The following TCERG1 variants were observed in gnomAD, a reference collection of about 807,000 sequenced individuals.
The protein encoded by TCERG1 is transcription elongation regulator 1, also known as TATA box binding protein (TBP)-associated factor, RNA polymerase II, S, 150kD.
A neutral mutation model predicts 144.7 loss-of-function variants in TCERG1; 37 were observed. The observed-to-expected ratio is 0.26, with a 90% CI of 0.20 to 0.34. The LOEUF (loss-of-function observed/expected upper bound fraction) is 0.34, where lower values mean the gene tolerates loss of function less well. Among genes scored for constraint, TCERG1 ranks in the 10% least tolerant of loss-of-function variants. TCERG1 has a pLI of 1.00. For synonymous variants in TCERG1, 492 were observed against 458.2 expected (o/e 1.07, Z -0.94); for missense variants, 1,027 against 1,380.7 (o/e 0.74, Z 4.06).
Position 146,503,963 on chromosome 5 carries a change from G to A in TCERG1, c.2738G>A (p.Arg913Gln). ...EIDREREQHKREEAIQNFKAL... is the reference protein window; with the variant it reads ...EIDREREQHKQEEAIQNFKAL... ...GATCGAGAGAGAGAGCAGCACAAACGAGAAGAAGCTATCCAGAATTTCAAA... is the reference window on the plus strand; with the variant it reads ...GATCGAGAGAGAGAGCAGCACAAACAAGAAGAAGCTATCCAGAATTTCAAA... The change falls in exon 19 of 23, where the codon CGA (arginine) becomes CAA (glutamine). Residue 913 changes from arginine (R) to glutamine (Q), a missense_variant. Transcript: ENST00000679501. The A allele has an allele frequency of 1.3e-6, 2 of 1,598,098 alleles. No individual in the cohort carries two copies. The highest frequency in any genetic ancestry group is 1.7e-6 in the Non-Finnish European group (2 of 1,174,436).
chr5:146,479,874 G>T lies in TCERG1; in HGVS notation c.1782G>T (p.Met594Ile). 1 of 1,613,522 alleles carries T rather than the reference G, an allele frequency of 6.2e-7. No homozygotes were observed. Among genetic ancestry groups the T allele is most frequent in the Non-Finnish European group, 8.5e-7 (1 of 1,179,640 alleles). ...LKKLRHPTPT[M>I]LSIQKWQFSM... is the part of the protein sequence containing the mutation. ...TGCCAGGGCACCCAACTCCGACAAT[G>T]CTGTCGATCCAAAAGTGGCAATTCT... The change falls in exon 11 of 23, where the codon ATG (methionine) becomes ATT (isoleucine). Residue 594 changes from methionine to isoleucine, a missense_variant. Transcript: ENST00000679501.
intron 9 of TCERG1, among the ~76,000 whole-genome samples, chr5:146,474,872 CTT>C (rs1442074306): frequency 7.2e-5 from 11 of 152,262 alleles, no homozygotes; most frequent in Admixed American, 5.9e-4. Context: ...GTAAATATAA[CTT>C]TTGTATATGG....
chr5:146,507,399 T>C lies in TCERG1; in HGVS notation c.2961+192T>C. On this transcript the variant is annotated intron_variant, in intron 20 of 22. Transcript: ENST00000679501. The surrounding 1 kb of genome is among the most constrained non-coding windows in gnomAD (Gnocchi z 4.6). ...TAGAAATGCCTATTCTTTGCAGTTT[T>C]CACATTCATAACTGCTCCCATAGTA... The C allele has an allele frequency of 9.4e-6, 5 of 534,656 alleles. 1 individual carries two copies. In the South Asian group the frequency reaches 1.8e-4, roughly 20 times the overall value. 33.1% of individuals were successfully genotyped at this position (534,656 alleles called of 1,614,324 possible). A position where few individuals can be genotyped will look rare whatever the true frequency, so the allele number is the denominator to read the frequency against.
rs748932384 is a variant in TCERG1 at position 146,463,549 on chromosome 5, A to G, written c.893-2A>G. ...ACATGTTTTTGTTTTATCTTTTATC[A>G]GCACCCACAACACAAGATCAGACCC... On this transcript the variant is annotated splice_acceptor_variant, in intron 4 of 22. Coordinates refer to ENST00000679501, the MANE Select transcript of TCERG1 (RefSeq NM_001382548.1). LOFTEE classifies it high-confidence loss of function. 3 of 1,614,092 alleles carry G rather than the reference A, an allele frequency of 1.9e-6. No homozygotes were observed. The highest frequency in any genetic ancestry group is 2.5e-6 in the Non-Finnish European group (3 of 1,179,970).
intron 9 of TCERG1, 53 bp downstream of exon 9, chr5:146,471,629 C>CAAAAAA: frequency 6.7e-7 from 1 of 1,483,568 alleles, no homozygotes; most frequent in Non-Finnish European, 9.3e-7. Flanking sequence ...GACGGAGTCT[C>CAAAAAA]ACTCTGTCAC....
rs1765186543 is a variant in TCERG1, at chr5:146,479,895, A to G, written c.1803A>G (p.Gln601=). The part of the protein sequence containing the change: ...TPTMLSIQKW[Q]FSMSAIKEEQ... ...CAATGCTGTCGATCCAAAAGTGGCA[A>G]TTCTCTATGAGTGCAAGTGAGTGAA... Residue 601 remains glutamine (Q), a synonymous_variant, in exon 11 of 23, where the codon CAA becomes CAG. Coordinates refer to ENST00000679501, the MANE Select transcript of TCERG1 (RefSeq NM_001382548.1). 22 of 1,613,564 alleles carry G rather than the reference A, an allele frequency of 1.4e-5. No homozygotes were observed. Among genetic ancestry groups the G allele is most frequent in the South Asian group, 3.3e-5 (3 of 91,048 alleles).
At chr5:146,503,334 A>G in intron 17 of TCERG1, 41 bp from the exon 18 acceptor site, 1 of 1,583,872 alleles carries the variant, frequency 6.3e-7, no homozygotes, top group Non-Finnish European at 8.6e-7. Context: ...CTCATGGTAC[A>G]TTATTTTCCC....
rs909813291 is a variant in TCERG1 at position 146,510,713 on chromosome 5, T to C, written c.*71T>C. On this transcript the variant is annotated 3_prime_UTR_variant, in exon 23 of 23. Transcript: ENST00000679501. ...GAGCCAATTTTCAGGTTTTTACATATATGTGCATTAGTCAACCTATTGCGA... is the reference window on the plus strand; with the variant it reads ...GAGCCAATTTTCAGGTTTTTACATACATGTGCATTAGTCAACCTATTGCGA... The C allele has an allele frequency of 7.4e-6, 11 of 1,478,180 alleles. No individual in the cohort carries two copies. The highest frequency in any genetic ancestry group is 2.3e-5 in the East Asian group (1 of 43,040). 91.6% of individuals were successfully genotyped at this position (1,478,180 alleles called of 1,614,324 possible). A position where few individuals can be genotyped will look rare whatever the true frequency, so the allele number is the denominator to read the frequency against.
intron 1 of TCERG1, among the ~76,000 whole-genome samples, chr5:146,448,253 G>A (rs765673253): frequency 2.1e-4 from 32 of 152,108 alleles, no homozygotes; most frequent in Non-Finnish European, 2.9e-4. Flanking sequence ...AGGCAGTCAG[G>A]TTTCAGAGCC....
In TCERG1 at chr5:146,463,701, T is replaced by C; in HGVS notation, c.1043T>C (p.Val348Ala). Residue 348 changes from valine (V) to alanine (A), a missense_variant, in exon 5 of 23, where the codon GTA (valine) becomes GCA (alanine). Physicochemically the swap from Val to Ala is moderately conservative, Grantham distance 64. Transcript: ENST00000679501. Reference sequence around the variant, plus strand: ...TTACCTCCTGCTGTTCCTCATTCAGTACCTCAGCCAACAACAGCAATACCT... The same window carrying C: ...TTACCTCCTGCTGTTCCTCATTCAGCACCTCAGCCAACAACAGCAATACCT... ...QTLPPAVPHS[V>A]PQPTTAIPAF... 9 of 1,614,220 alleles carry C rather than the reference T, an allele frequency of 5.6e-6. No homozygotes were observed. The highest frequency in any genetic ancestry group is 1.3e-5 in the African/African-American group (1 of 75,062).
At chr5:146,464,576 A>G (rs545599009) in intron 5 of TCERG1, among the ~76,000 whole-genome samples, 5 of 152,318 alleles carry the variant, frequency 3.3e-5, no homozygotes, top group African/African-American at 1.2e-4. Context: ...TTTAAAAATG[A>G]TAGTGTTGGG....
chr5:146,469,961 TATATGTACGTAC>T (rs1284043797), intron 7 of TCERG1, among the ~76,000 whole-genome samples: 1 of 152,206 alleles, frequency 6.6e-6, no homozygotes. Context: ...GAGAAATGGT[TATATGTACGTAC>T]ATATGTATGT....
At chr5:146,474,694 GT>G (rs1450884347) in intron 9 of TCERG1, among the ~76,000 whole-genome samples, 2 of 152,156 alleles carry the variant, frequency 1.3e-5, no homozygotes, top group Non-Finnish European at 2.9e-5. Flanking sequence ...CCTCATGAGT[GT>G]TCAGCCATCA....
Position 146,511,938 on chromosome 5 carries a change from A to C in TCERG1, c.*1296A>C, listed in dbSNP as rs757180307. On this transcript the variant is annotated 3_prime_UTR_variant, in exon 23 of 23. Coordinates refer to ENST00000679501, the MANE Select transcript of TCERG1 (RefSeq NM_001382548.1). Reference sequence around the variant, plus strand: ...CATAGGTTGCTCGTTTCAGAGTGCCACATAAATAAAATGTTTAACAAAATA... The same window carrying C: ...CATAGGTTGCTCGTTTCAGAGTGCCCCATAAATAAAATGTTTAACAAAATA... 1 of 152,236 alleles carries C rather than the reference A, an allele frequency of 6.6e-6. No homozygotes were observed. Among genetic ancestry groups the C allele is most frequent in the Non-Finnish European group, 1.5e-5 (1 of 68,032 alleles). The allele number at this position is 152,236 out of a possible 1,614,324, so 9.4% of individuals were successfully genotyped here. A position where few individuals can be genotyped will look rare whatever the true frequency, so the allele number is the denominator to read the frequency against.
At chr5:146,458,755 A>C in intron 3 of TCERG1, 129 bp from the exon 4 acceptor site, 1 of 1,312,398 alleles carries the variant, frequency 7.6e-7, no homozygotes, top group Non-Finnish European at 1.0e-6. Flanking sequence ...CTGGGATTAC[A>C]GGAATGAGCC....
chr5:146,508,050 T>C, intron 21 of TCERG1, 94 bp downstream of exon 21: 1 of 748,734 alleles, frequency 1.3e-6, no homozygotes, highest in South Asian at 2.4e-5. Context: ...TGAAGTTGAT[T>C]GTTTTAAGTG....
chr5:146,479,591 A>C (rs1765161975), intron 10 of TCERG1, among the ~76,000 whole-genome samples: 1 of 152,196 alleles, frequency 6.6e-6, no homozygotes, highest in Non-Finnish European at 1.5e-5. Flanking sequence ...CATTGTTAAA[A>C]GGTACTGTAA....
chr5:146,502,894 A>T (rs1308375585), intron 17 of TCERG1: 1 of 152,162 alleles, frequency 6.6e-6, no homozygotes, highest in Non-Finnish European at 1.5e-5. Flanking sequence ...TGATTTTTAA[A>T]TGTCCTATTA....
In TCERG1 at chr5:146,447,397, G is replaced by A. The variant is rs1025754555; in HGVS notation, c.48G>A (p.Pro16=). 2.3e-5 allele frequency: 37 copies of A among 1,611,456 alleles called. No homozygotes were observed. Among genetic ancestry groups the A allele is most frequent in the Non-Finnish European group, 3.1e-5 (36 of 1,179,090 alleles). The part of the protein sequence containing the change: ...GDGGESERFN[P]GELRMAQQQA... ...GGGGCGAGAGTGAACGATTCAACCCGGGGGAGCTCAGGTAAGGAACGCTGC... is the reference window on the plus strand; with the variant it reads ...GGGGCGAGAGTGAACGATTCAACCCAGGGGAGCTCAGGTAAGGAACGCTGC... Residue 16 remains proline (P), a synonymous_variant, in exon 1 of 23, where the codon CCG becomes CCA. Coordinates refer to ENST00000679501, the MANE Select transcript of TCERG1 (RefSeq NM_001382548.1).
Sources: gnomAD v4.1 joint callset for allele counts (sites outside exome capture counted in the v4.1 genomes callset) on GRCh38, gnomAD v4.1.1 for gene constraint, Gnocchi (gnomAD v3.1) non-coding constraint, MANE v1.5 for transcripts, NCBI Gene and HGNC (gene_info 2026-07-23, HGNC 2026-07-21) for gene names.